SYNE1: variants seen among roughly 807,000 people sequenced by gnomAD.
SYNE1 encodes spectrin repeat containing nuclear envelope protein 1.
SYNE1 carries 616 observed loss-of-function variants against 1,111.0 expected under a neutral mutation model. That is an observed-to-expected ratio of 0.55 (90% CI 0.52 to 0.59). SYNE1 has a LOEUF of 0.59. SYNE1 is among the 20% of genes least tolerant of loss of function. SYNE1 has a pLI of 0.00. For synonymous variants in SYNE1, 3,855 were observed against 3,825.8 expected, an observed-to-expected ratio of 1.01 and a Z score of -0.28; for missense variants, 10,006 against 10,417.0, an observed-to-expected ratio of 0.96 and a Z score of 1.72.
intron 63 of SYNE1, among the ~76,000 whole-genome samples, chr6:152,363,088 A>G (rs1391497206): frequency 6.7e-6 from 1 of 149,276 alleles, no homozygotes; most frequent in Non-Finnish European, 1.5e-5. Context: ...TCACTGTGTT[A>G]GCCAGGATGG....
At chr6:152,233,420 G>C (rs1415121974) in intron 112 of SYNE1, among the ~76,000 whole-genome samples, 1 of 151,780 alleles carries the variant, frequency 6.6e-6, no homozygotes, top group Non-Finnish European at 1.5e-5. Context: ...TGCCTCCCCA[G>C]TTCAAACAAT....
At chr6:152,611,560 AC>A (rs1164849504) in intron 3 of SYNE1, among the ~76,000 whole-genome samples, 2 of 152,220 alleles carry the variant, frequency 1.3e-5, no homozygotes, top group African/African-American at 4.8e-5. Context: ...AGACTTTAAC[AC>A]CCCACTGTCA....
chr6:152,382,086 G>A (rs935424593), intron 55 of SYNE1, among the ~76,000 whole-genome samples: 1 of 151,966 alleles, frequency 6.6e-6, no homozygotes, highest in African/African-American at 2.4e-5. Flanking sequence ...ATACTGTAAA[G>A]GAAAACAAGA....
chr6:152,428,188 G>C lies in SYNE1; in HGVS notation c.4976+17C>G. Reference sequence around the variant, plus strand: ...CCTATTTAGTAGTGCAGCAACTCAAGGAAAAGTGCTGCTCACCTCTGCCAG... The same window carrying C: ...CCTATTTAGTAGTGCAGCAACTCAACGAAAAGTGCTGCTCACCTCTGCCAG... On this transcript the variant is annotated intron_variant, in intron 37 of 145. Transcript: ENST00000367255. 1 of 1,612,282 alleles carries C rather than the reference G, an allele frequency of 6.2e-7. No homozygotes were observed. The highest frequency in any genetic ancestry group is 2.2e-5 in the East Asian group (1 of 44,882).
At chr6:152,514,866 C>A (rs2099103619) in intron 6 of SYNE1, among the ~76,000 whole-genome samples, 2 of 152,114 alleles carry the variant, frequency 1.3e-5, no homozygotes, top group African/African-American at 4.8e-5. Context: ...TTAAGCCACC[C>A]AGTCTGTGAT....
chr6:152,345,801 T>A (rs928262154), intron 73 of SYNE1, among the ~76,000 whole-genome samples: 1 of 152,206 alleles, frequency 6.6e-6, no homozygotes, highest in African/African-American at 2.4e-5. Flanking sequence ...CCTATTTTAG[T>A]AAGTTTTTGT....
chr6:152,519,042 AC>A (rs2099126476), intron 6 of SYNE1, among the ~76,000 whole-genome samples: 2 of 152,074 alleles, frequency 1.3e-5, no homozygotes, highest in African/African-American at 2.4e-5. Flanking sequence ...ATGCTAAATG[AC>A]AAGCTAATGG....
intron 132 of SYNE1, 129 bp downstream of exon 132, chr6:152,155,781 G>T: frequency 9.0e-7 from 1 of 1,112,262 alleles, no homozygotes; most frequent in Non-Finnish European, 1.3e-6. Flanking sequence ...ACAATAGTAA[G>T]TTTGGGAAGC....
chr6:152,130,089 G>C (rs935085056), intron 145 of SYNE1, among the ~76,000 whole-genome samples: 3 of 152,170 alleles, frequency 2.0e-5, no homozygotes, highest in Non-Finnish European at 4.4e-5. Flanking sequence ...CTGGGCAGGG[G>C]CACTGGCTGC....
Position 152,442,107 on chromosome 6 carries a change from G to T in SYNE1, c.3976C>A (p.Arg1326Ser), listed in dbSNP as rs1167435598. 2 of 1,613,984 alleles carry T rather than the reference G, an allele frequency of 1.2e-6. No homozygotes were observed. The highest frequency in any genetic ancestry group is 2.2e-5 in the East Asian group (1 of 44,886). Reference sequence around the variant, plus strand: ...CGGCGTTCCTGCCTCTCCCGGCTGCGCTCCAGGCCATCCAGTGTGCTCTCC... The same window carrying T: ...CGGCGTTCCTGCCTCTCCCGGCTGCTCTCCAGGCCATCCAGTGTGCTCTCC... ...KLESTLDGLE[R>S]SRERQERRIQ... The change falls in exon 31 of 146, where the codon CGC becomes AGC. Residue 1326 changes from arginine to serine, a missense_variant. Physicochemically the swap from Arg to Ser is moderately radical, Grantham distance 110. Around this residue, in one of 7 missense-constraint regions of SYNE1, gnomAD observed 1,971 missense variants for 2,084.1 expected, o/e 0.95. Coordinates refer to ENST00000367255, the MANE Select transcript of SYNE1 (RefSeq NM_182961.4).
intron 28 of SYNE1, among the ~76,000 whole-genome samples, chr6:152,447,898 C>T (rs922540872): frequency 6.6e-6 from 1 of 152,122 alleles, no homozygotes; most frequent in African/African-American, 2.4e-5. Flanking sequence ...AAAGATGATT[C>T]TAAAAATACT....
intron 3 of SYNE1, among the ~76,000 whole-genome samples, chr6:152,589,597 T>C (rs2099552073): frequency 6.6e-6 from 1 of 152,122 alleles, no homozygotes; most frequent in Admixed American, 6.6e-5. Context: ...ATTTCATCCA[T>C]CAATTCATAT....
chr6:152,365,141 A>C, intron 62 of SYNE1, 122 bp from the exon 63 acceptor site: 1 of 1,250,736 alleles, frequency 8.0e-7, no homozygotes. Flanking sequence ...TGGAGCTCCC[A>C]GTCGGCTGAG....
chr6:152,484,955 T>C lies in SYNE1; in HGVS notation c.1065A>G (p.Arg355=). 6.2e-6 allele frequency: 10 copies of C among 1,612,544 alleles called. No homozygotes were observed. Among genetic ancestry groups the C allele is most frequent in the Non-Finnish European group, 8.5e-6 (10 of 1,179,546 alleles). ...GTTTCCTCTTCATTTCATATTGAACTCTGAAGTGCTTAAATGACTAAAAGA... is the reference window on the plus strand; with the variant it reads ...GTTTCCTCTTCATTTCATATTGAACCCTGAAGTGCTTAAATGACTAAAAGA... ...QDKYQSFKHF[R]VQYEMKRKQI... Residue 355 remains arginine, a synonymous_variant, in exon 13 of 146, where the codon AGA becomes AGG. Transcript: ENST00000367255.
In SYNE1 at chr6:152,385,680, T is replaced by G; in HGVS notation, c.8646A>C (p.Lys2882Asn). ...DSSATQKKLSKIKELIDSREI... is the reference protein window; with the variant it reads ...DSSATQKKLSNIKELIDSREI... ...CATCTGTTCATTTCCTGACCTTAAT[T>G]TTTGATAACTTTTTCTGGGTGGCTG... The change falls in exon 55 of 146, where the codon AAA (lysine) becomes AAC (asparagine). Residue 2882 changes from lysine to asparagine, a missense_variant. Lys to Asn is a moderately conservative substitution (Grantham distance 94, BLOSUM62 0). Around this residue, in one of 7 missense-constraint regions of SYNE1, gnomAD observed 4,955 missense variants for 5,017.2 expected, o/e 0.99. Transcript: ENST00000367255. 1 of 1,614,114 alleles carries G rather than the reference T, an allele frequency of 6.2e-7. No homozygotes were observed. Among genetic ancestry groups the G allele is most frequent in the Non-Finnish European group, 8.5e-7 (1 of 1,179,992 alleles).
chr6:152,167,869 A>G, intron 130 of SYNE1: 1 of 704,004 alleles, frequency 1.4e-6, no homozygotes, highest in South Asian at 1.4e-5. Context: ...AGACAACTGG[A>G]ATACAGAGTC....
In SYNE1 at chr6:152,323,589, C is replaced by T; in HGVS notation, c.15806G>A (p.Gly5269Asp). The change falls in exon 82 of 146, where the codon GGC becomes GAC. Residue 5269 changes from glycine to aspartate, a missense_variant. Physicochemically the swap from Gly to Asp is moderately conservative, Grantham distance 94. Around this residue, in one of 7 missense-constraint regions of SYNE1, gnomAD observed 4,955 missense variants for 5,017.2 expected, o/e 0.99. Transcript: ENST00000367255. ...GCTCAGGGTTTGCTGCCGCAGCATG[C>T]CCAAGGCCGACTGCTGCTGCTCCAG... is the stretch of plus-strand genomic sequence containing the variant. ...LELEQQQSAL[G>D]MLRQQTLSML... 6.2e-7 allele frequency: 1 copy of T among 1,614,222 alleles called. No individual in the cohort carries two copies. The highest frequency in any genetic ancestry group is 8.5e-7 in the Non-Finnish European group (1 of 1,180,040).
chr6:152,125,259 T>G (rs1349388860), intron 145 of SYNE1: 1 of 1,549,946 alleles, frequency 6.5e-7, no homozygotes, highest in Non-Finnish European at 8.7e-7. Flanking sequence ...TCGTATTCAT[T>G]TCACAGGTAT....
intron 120 of SYNE1, 119 bp from the exon 121 acceptor site, chr6:152,218,522 T>C: frequency 8.4e-7 from 1 of 1,191,426 alleles, no homozygotes; most frequent in Middle Eastern, 2.3e-4. Flanking sequence ...TTGTATCAAA[T>C]TGCCATTCTC....
Sources: allele counts gnomAD v4.1 joint callset (sites outside exome capture counted in the v4.1 genomes callset), GRCh38; gene constraint gnomAD v4.1.1; regional missense constraint gnomAD v4.1.1; transcripts MANE v1.5; gene names NCBI Gene and HGNC (gene_info 2026-07-23, HGNC 2026-07-21).